The following FN1 variants were observed in gnomAD, a reference collection of about 807,000 sequenced individuals.
FN1 encodes the protein fibronectin.
FN1 carries 106 observed loss-of-function variants against 297.3 expected under a neutral mutation model. The ratio of observed to expected loss-of-function variants is 0.36; its 90% CI spans 0.30 to 0.42. The LOEUF is 0.42. Ranked by LOEUF, FN1 falls within the 10% of genes least tolerant of loss-of-function variation. The pLI, the probability that FN1 is intolerant of heterozygous loss-of-function variation, is 1.00. For synonymous variants in FN1, 1,149 were observed against 1,152.6 expected (o/e 1.00, Z 0.06); for missense variants, 2,690 against 3,124.9 (o/e 0.86, Z 3.32).
At chr2:215,392,074 T>C (rs1230575247) in intron 25 of FN1, 3 of 458,740 alleles carry the variant, frequency 6.5e-6, no homozygotes, top group Non-Finnish European at 1.2e-5. Flanking sequence ...CTTTCAAATA[T>C]GTTGACTTTA....
At chr2:215,370,174 G>A in intron 41 of FN1, 120 bp downstream of exon 41, 1 of 948,598 alleles carries the variant, frequency 1.1e-6, no homozygotes, top group South Asian at 1.3e-5. Context: ...TCATGTTGAT[G>A]TGTTGCATTA....
intron 32 of FN1, chr2:215,381,339 A>G: frequency 1.9e-6 from 1 of 519,658 alleles, no homozygotes; most frequent in South Asian, 2.1e-5. Flanking sequence ...ATGGGGATGT[A>G]TTTATATTAA....
At chr2:215,409,773 C>T in intron 14 of FN1, 34 bp from the exon 15 acceptor site, 2 of 1,612,430 alleles carry the variant, frequency 1.2e-6, no homozygotes, top group Non-Finnish European at 1.7e-6. Context: ...AGTCAGCCTT[C>T]AGTCATCTAG....
rs868222219 is a variant in FN1, at chr2:215,391,734, T to C, written c.4150A>G (p.Ile1384Val). ...MRVTWAPPPS[I>V]DLTNFLVRYS... ...CGCACCAGGAAGTTGGTTAAATCAA[T>C]GGATGGGGGTGGAGCCCAGGTGACA... The change falls in exon 26 of 46, where the codon ATT becomes GTT. Residue 1384 changes from isoleucine (I) to valine (V), a missense_variant. Around this residue, in one of 3 missense-constraint regions of FN1, gnomAD observed 1,743 missense variants for 1,945.2 expected, o/e 0.90. Coordinates refer to ENST00000354785, the MANE Select transcript of FN1 (RefSeq NM_212482.4). 3.7e-6 allele frequency: 6 copies of C among 1,614,014 alleles called. No homozygotes were observed. In the African/African-American group the frequency reaches 4.0e-5, roughly 11 times the overall value.
chr2:215,424,440 A>T (rs996262563), intron 7 of FN1, 115 bp from the exon 8 acceptor site: 12 of 771,384 alleles, frequency 1.6e-5, no homozygotes, highest in Non-Finnish European at 2.6e-5. Flanking sequence ...GGAAGAAGCT[A>T]TGAGTATAGA....
In FN1 at chr2:215,388,255, G is replaced by A. The variant is rs1011664546; in HGVS notation, c.4299C>T (p.Tyr1433=). The part of the protein sequence containing the change: ...TEYVVSVSSV[Y]EQHESTPLRG... ...TAAGAGGTGTGCTCTCATGTTGTTCGTAGACACTGGAGACACTCACTACAT... is the reference window on the plus strand; with the variant it reads ...TAAGAGGTGTGCTCTCATGTTGTTCATAGACACTGGAGACACTCACTACAT... The change falls in exon 27 of 46, where the codon TAC becomes TAT. Residue 1433 remains tyrosine (Y), a synonymous_variant. Coordinates refer to ENST00000354785, the MANE Select transcript of FN1 (RefSeq NM_212482.4). 6.8e-6 allele frequency: 11 copies of A among 1,613,824 alleles called. No homozygotes were observed. Among genetic ancestry groups the A allele is most frequent in the South Asian group, 2.2e-5 (2 of 91,088 alleles).
rs372760499 is a variant in FN1, at chr2:215,373,418, G to A, written c.6158-7C>T. 304 of 1,609,254 alleles carry A rather than the reference G, an allele frequency of 1.9e-4. No individual in the cohort carries two copies. Among genetic ancestry groups the A allele is most frequent in the Non-Finnish European group, 2.4e-4 (280 of 1,176,160 alleles). On this transcript the variant is annotated splice_polypyrimidine_tract_variant and splice_region_variant and intron_variant, in intron 38 of 45. Coordinates refer to ENST00000354785, the MANE Select transcript of FN1 (RefSeq NM_212482.4). ...TCGGTTCCCGGTTCCAGGCCTGAAG[G>A]GAGAATAGAACCATCACATTATGTC...
intron 29 of FN1, 195 bp downstream of exon 29, chr2:215,384,665 T>C (rs2058673397): frequency 3.6e-6 from 2 of 554,184 alleles, no homozygotes; most frequent in East Asian, 3.1e-5. Context: ...AGTTGTAGTA[T>C]ATAAACAACT....
At chr2:215,395,516 G>A (rs1173405104) in intron 23 of FN1, among the ~76,000 whole-genome samples, 1 of 149,836 alleles carries the variant, frequency 6.7e-6, no homozygotes, top group Non-Finnish European at 1.5e-5. Context: ...TCCAAGCCTG[G>A]GTGACAGAGT....
At position 215,386,967 on chromosome 2, in the gene FN1, C is replaced by T. The variant is rs1376505353; in HGVS notation, c.4343-9G>A. ...AGTTGGGGAATCAAGACCTGTTTTT[C>T]CCACCCGGGGGAGGAAGAGAAAAAA... On this transcript the variant is annotated splice_polypyrimidine_tract_variant and intron_variant, in intron 27 of 45. Coordinates refer to ENST00000354785, the MANE Select transcript of FN1 (RefSeq NM_212482.4). 6 of 1,608,508 alleles carry T rather than the reference C, an allele frequency of 3.7e-6. No homozygotes were observed. Among genetic ancestry groups the T allele is most frequent in the Non-Finnish European group, 5.1e-6 (6 of 1,177,612 alleles).
intron 13 of FN1, among the ~76,000 whole-genome samples, chr2:215,410,537 T>C (rs12991003): frequency 0.65 from 96,556 of 149,650 alleles, 32,121 homozygotes; most frequent in East Asian, 1. Flanking sequence ...GACAGAGTTT[T>C]GCTCTTGTTG....
intron 13 of FN1, among the ~76,000 whole-genome samples, 157 bp from the exon 14 acceptor site, chr2:215,410,271 GGTTATATC>G (rs768172180): frequency 2.0e-5 from 3 of 152,166 alleles, no homozygotes; most frequent in Non-Finnish European, 2.9e-5. Context: ...GATTCCCAAT[GGTTATATC>G]GTTAGATATA....
chr2:215,417,276 A>G lies in FN1; in HGVS notation c.1819+1966T>C, dbSNP rs187000323. 3.3e-4 allele frequency among the ~76,000 whole-genome samples: 50 copies of G among 152,344 alleles called. 1 individual carries two copies. Among genetic ancestry groups the G allele is most frequent in the Non-Finnish European group, 4.4e-5 (3 of 68,026 alleles). On this transcript the variant is annotated intron_variant, in intron 12 of 45. Transcript: ENST00000354785. Reference sequence around the variant, plus strand: ...TCCCTCTCTTATTCAATATGAATAAACTAACAATAAAATAGTTGAGATGAT... The same window carrying G: ...TCCCTCTCTTATTCAATATGAATAAGCTAACAATAAAATAGTTGAGATGAT...
At chr2:215,406,141 C>T (rs1247558898) in intron 19 of FN1, 97 bp downstream of exon 19, 1 of 1,248,126 alleles carries the variant, frequency 8.0e-7, no homozygotes, top group Non-Finnish European at 1.2e-6. Context: ...TCTCTCTAAG[C>T]CATACACCTC....
chr2:215,414,079 G>C (rs2063083278), intron 13 of FN1, among the ~76,000 whole-genome samples: 1 of 152,170 alleles, frequency 6.6e-6, no homozygotes, highest in Non-Finnish European at 1.5e-5. Flanking sequence ...CTTTGTAATT[G>C]TAGAATTCAA....
At chr2:215,364,714 A>G (rs1006144440) in intron 44 of FN1, 165 bp downstream of exon 44, 1 of 662,076 alleles carries the variant, frequency 1.5e-6, no homozygotes, top group African/African-American at 1.8e-5. Context: ...AGGTAGACAT[A>G]GAGCTGCTCT....
At chr2:215,420,976 C>T in intron 10 of FN1, 175 bp from the exon 11 acceptor site, 2 of 668,484 alleles carry the variant, frequency 3.0e-6, no homozygotes, top group Non-Finnish European at 5.0e-6. Context: ...GTCAGTAATA[C>T]AATTTTTGCC....
chr2:215,406,493 T>C lies in FN1; in HGVS notation c.2731A>G (p.Arg911Gly). The change falls in exon 19 of 46, where the codon AGG (arginine) becomes GGG (glycine). Residue 911 changes from arginine (R) to glycine (G), a missense_variant. Arg to Gly is a moderately radical substitution (Grantham distance 125, BLOSUM62 -2). Transcript: ENST00000354785. Reference protein sequence around the residue: ...TPRSDTVPSPRDLQFVEVTDV... With the variant: ...TPRSDTVPSPGDLQFVEVTDV... The stretch of plus-strand genomic sequence containing the variant: ...GTCACTTCCACAAACTGCAGGTCCC[T>C]GGGAGAGGGCACTGTATCTGACAGA... 1.2e-6 allele frequency: 2 copies of C among 1,613,998 alleles called. No homozygotes were observed. Among genetic ancestry groups the C allele is most frequent in the East Asian group, 2.2e-5 (1 of 44,872 alleles).
rs766238664 is a variant in FN1 at position 215,393,005 on chromosome 2, A to G, written c.3995T>C (p.Ile1332Thr). The change falls in exon 25 of 46, where the codon ATT becomes ACT. Residue 1332 changes from isoleucine to threonine, a missense_variant. By Grantham distance (89) the Ile-to-Thr change is moderately conservative (BLOSUM62 -1). Transcript: ENST00000354785. ...AGTGATAACGCTGATATCATAGTCA[A>G]TGCCCGGCTCCAGCCCTGTGACTGT... is the stretch of plus-strand genomic sequence containing the variant. ...YYTVTGLEPGIDYDISVITLI... is the reference protein window; with the variant it reads ...YYTVTGLEPGTDYDISVITLI... 2 of 1,613,952 alleles carry G rather than the reference A, an allele frequency of 1.2e-6. No individual in the cohort carries two copies. The highest frequency in any genetic ancestry group is 1.7e-6 in the Non-Finnish European group (2 of 1,180,008).
Sources: allele counts gnomAD v4.1 joint callset (sites outside exome capture counted in the v4.1 genomes callset), GRCh38; gene constraint gnomAD v4.1.1; regional missense constraint gnomAD v4.1.1; transcripts MANE v1.5; gene names NCBI Gene and HGNC (gene_info 2026-07-23, HGNC 2026-07-21).